Variants in NLGN1 observed in about 807,000 individuals in gnomAD.
NLGN1 encodes the protein neuroligin 1.
A neutral mutation model predicts 65.5 loss-of-function variants in NLGN1; 12 were observed. The observed-to-expected ratio is 0.18, with a 90% CI of 0.12 to 0.30. The LOEUF (loss-of-function observed/expected upper bound fraction) is 0.30. Among genes scored for constraint, NLGN1 ranks in the 10% least tolerant of loss-of-function variants. NLGN1 has a pLI of 1.00. For synonymous variants in NLGN1, 350 were observed against 359.5 expected (o/e 0.97, Z 0.30); for missense variants, 750 against 1,007.1 (o/e 0.74, Z 3.46).
At chr3:173,920,381 T>C (rs1466354277) in intron 4 of NLGN1, 2 of 151,070 alleles carry the variant, frequency 1.3e-5, no homozygotes, top group Non-Finnish European at 1.5e-5. Flanking sequence ...ATAATATAAT[T>C]TGTTTTCTTC....
chr3:173,736,530 C>T (rs1475432515), intron 3 of NLGN1, among the ~76,000 whole-genome samples: 1 of 151,904 alleles, frequency 6.6e-6, no homozygotes, highest in Non-Finnish European at 1.5e-5. Flanking sequence ...TGAGATTCAG[C>T]CTTCTGACTT....
At chr3:174,276,462 C>CTT (rs1413497602) in intron 5 of NLGN1, among the ~76,000 whole-genome samples, 1 of 150,704 alleles carries the variant, frequency 6.6e-6, no homozygotes, top group African/African-American at 2.5e-5. Context: ...CGTACACCAT[C>CTT]TTTCTTTTAA....
chr3:173,870,325 C>G (rs772503848), intron 4 of NLGN1, among the ~76,000 whole-genome samples: 5 of 152,150 alleles, frequency 3.3e-5, no homozygotes, highest in Non-Finnish European at 5.9e-5. Context: ...TATATCTTCA[C>G]AAAAACCTAA....
At chr3:173,794,012 A>G (rs2150376445) in intron 3 of NLGN1, among the ~76,000 whole-genome samples, 1 of 152,088 alleles carries the variant, frequency 6.6e-6, no homozygotes, top group South Asian at 2.1e-4. Flanking sequence ...TACTCCTTGT[A>G]TGCCAGCCAC....
intron 3 of NLGN1, among the ~76,000 whole-genome samples, chr3:173,768,675 T>C (rs1057211461): frequency 6.6e-6 from 1 of 152,222 alleles, no homozygotes; most frequent in Non-Finnish European, 1.5e-5. Context: ...CTTTCACTCT[T>C]CAAACGCATA....
At chr3:173,570,633 C>T (rs951557082) in intron 2 of NLGN1, among the ~76,000 whole-genome samples, 1 of 152,166 alleles carries the variant, frequency 6.6e-6, no homozygotes, top group African/African-American at 2.4e-5. Context: ...GGCCAGAGCT[C>T]TTTGTCCCCT....
rs1751254463 is a variant in NLGN1, at chr3:174,279,838, TTAGAAGC to T, written c.1649+190_1649+196del. On this transcript the variant is annotated intron_variant, in intron 6 of 6. Coordinates refer to ENST00000457714, the Ensembl canonical transcript of NLGN1. The surrounding 1 kb of genome is among the most constrained non-coding windows in gnomAD (Gnocchi z 4.7). Reference sequence around the variant, plus strand: ...TCATTGCTTTATTATTTCTGGTGTTTTAGAAGCTTGTTAAGAAAGCACATATCTCAAT... The same window carrying T: ...TCATTGCTTTATTATTTCTGGTGTTTTTGTTAAGAAAGCACATATCTCAAT... Among the ~76,000 whole-genome samples, 1 of 152,004 alleles carries T rather than the reference TTAGAAGC, an allele frequency of 6.6e-6. No individual in the cohort carries two copies. Among genetic ancestry groups the T allele is most frequent in the Non-Finnish European group, 1.5e-5 (1 of 67,952 alleles).
chr3:173,587,571 A>T (rs998148918), intron 2 of NLGN1, among the ~76,000 whole-genome samples: 15 of 152,198 alleles, frequency 9.9e-5, no homozygotes, highest in African/African-American at 3.6e-4. Flanking sequence ...ATTTAGCTCC[A>T]TCTTACCCAA....
chr3:173,630,098 G>A (rs1392929162), intron 3 of NLGN1, among the ~76,000 whole-genome samples: 3 of 152,104 alleles, frequency 2.0e-5, no homozygotes, highest in African/African-American at 7.2e-5. Flanking sequence ...ACGTGTCTGG[G>A]ATAATGAACA....
At chr3:173,765,278 T>G (rs193189535) in intron 3 of NLGN1, among the ~76,000 whole-genome samples, 1 of 152,150 alleles carries the variant, frequency 6.6e-6, no homozygotes, top group African/African-American at 2.4e-5. Flanking sequence ...GTTGCCAGAA[T>G]CTAAAACAAT....
At chr3:173,855,631 A>C (rs561917343) in intron 4 of NLGN1, among the ~76,000 whole-genome samples, 79 of 152,254 alleles carry the variant, frequency 5.2e-4, no homozygotes, top group Non-Finnish European at 8.7e-4. Context: ...AAAATAAAGA[A>C]TGACCACAAC....
intron 4 of NLGN1, among the ~76,000 whole-genome samples, chr3:174,125,858 G>C (rs1162753911): frequency 2.0e-5 from 3 of 151,942 alleles, no homozygotes; most frequent in African/African-American, 7.3e-5. Context: ...AGTAGTCGTC[G>C]GTCACTTTGT....
chr3:173,846,467 C>T (rs1459748593), intron 4 of NLGN1, among the ~76,000 whole-genome samples: 2 of 152,132 alleles, frequency 1.3e-5, no homozygotes, highest in Non-Finnish European at 2.9e-5. Flanking sequence ...GGTGAGAGAA[C>T]ACGTGTGGAG....
intron 4 of NLGN1, among the ~76,000 whole-genome samples, chr3:173,941,407 C>A (rs927689222): frequency 5.3e-5 from 8 of 152,028 alleles, no homozygotes; most frequent in African/African-American, 1.9e-4. Flanking sequence ...AGCTGATATG[C>A]TTAATTAGAA....
In NLGN1 at chr3:174,095,239, A is replaced by C. The variant is rs1048353015; in HGVS notation, c.647-180076A>C. ...TTAAAAACTAAAAAAAAAAAAAACC[A>C]TAAAGTTGCTTTATGAAAAATAAAT... On this transcript the variant is annotated intron_variant, in intron 4 of 6. Coordinates refer to ENST00000457714, the Ensembl canonical transcript of NLGN1. Among the ~76,000 whole-genome samples, 12 of 149,074 alleles carry C rather than the reference A, an allele frequency of 8.0e-5. No individual in the cohort carries two copies. In the East Asian group the frequency reaches 2.2e-3, roughly 27 times the overall value.
chr3:174,095,968 C>T (rs1201494392), intron 4 of NLGN1, among the ~76,000 whole-genome samples: 2 of 151,748 alleles, frequency 1.3e-5, no homozygotes, highest in African/African-American at 2.4e-5. Context: ...CCACTGCACT[C>T]CAGCCTGGGT....
chr3:173,645,808 T>C (rs2149609993), intron 3 of NLGN1, among the ~76,000 whole-genome samples: 1 of 152,304 alleles, frequency 6.6e-6, no homozygotes, highest in African/African-American at 2.4e-5. Flanking sequence ...ACACCCTTTG[T>C]CAGAAAGGAT....
intron 4 of NLGN1, among the ~76,000 whole-genome samples, chr3:173,825,288 A>C (rs1367470473): frequency 6.6e-6 from 1 of 152,052 alleles, no homozygotes; most frequent in Non-Finnish European, 1.5e-5. Flanking sequence ...TTTATTTTTA[A>C]AAGTAAATTT....
intron 4 of NLGN1, among the ~76,000 whole-genome samples, chr3:173,891,630 C>G (rs1735352592): frequency 6.6e-6 from 1 of 152,164 alleles, no homozygotes; most frequent in South Asian, 2.1e-4. Context: ...TGGCCAATGT[C>G]CAGGCCCATT....
Sources: allele counts gnomAD v4.1 joint callset (sites outside exome capture counted in the v4.1 genomes callset), GRCh38; gene constraint gnomAD v4.1.1; non-coding constraint Gnocchi (gnomAD v3.1); transcripts MANE v1.5; gene names NCBI Gene and HGNC (gene_info 2026-07-23, HGNC 2026-07-21).